The following SNURF variants were observed in gnomAD, a reference collection of about 807,000 sequenced individuals.
SNURF encodes the protein SNURF protein.
In SNURF, 6 loss-of-function variants were observed where a neutral mutation model predicts 11.6. The ratio of observed to expected loss-of-function variants is 0.52; its 90% CI spans 0.28 to 1.02. The LOEUF (loss-of-function observed/expected upper bound fraction) is 1.02, where lower values mean the gene tolerates loss of function less well. SNURF is among the 50% of genes least tolerant of loss of function. The pLI is 0.09. For missense variants in SNURF, 84 were observed against 88.4 expected, an observed-to-expected ratio of 0.95 and a Z score of 0.20; for synonymous variants, 29 against 31.6, an observed-to-expected ratio of 0.92 and a Z score of 0.27.
chr15:24,962,180 CAGA>C, exon 2 of SNURF: 1 of 1,614,070 alleles, frequency 6.2e-7, no homozygotes, highest in Non-Finnish European at 8.5e-7. Context: ...AAGTCAAACG[CAGA>C]AGGACTGCCT....
intron 1 of SNURF, 128 bp from the exon 2 acceptor site, chr15:24,961,986 T>A: frequency 1.2e-6 from 1 of 865,366 alleles, no homozygotes; most frequent in African/African-American, 1.7e-5. Flanking sequence ...CTTGTAATAA[T>A]TTTACCTTGT....
At chr15:24,969,762 C>T (rs1011012170), downstream of SNURF, among the ~76,000 whole-genome samples, 1 of 152,138 alleles carries the variant, frequency 6.6e-6, no homozygotes, top group Non-Finnish European at 1.5e-5. Flanking sequence ...GCTAGTTCTA[C>T]CTAAATAGTA....
chr15:24,962,650 C>T (rs420067), intron 2 of SNURF, among the ~76,000 whole-genome samples: 19,568 of 151,916 alleles, frequency 0.13, 2,422 homozygotes, highest in African/African-American at 0.33. Flanking sequence ...TGTTTTTTAT[C>T]CTGTTTTAAG....
At chr15:24,955,461 G>A (rs922805741) in intron 1 of SNURF, among the ~76,000 whole-genome samples, 1 of 151,858 alleles carries the variant, frequency 6.6e-6, no homozygotes. Context: ...CCAGTGCATA[G>A]GGATTTTAGG....
downstream of SNURF, among the ~76,000 whole-genome samples, chr15:24,971,232 C>T (rs1441132442): frequency 6.6e-6 from 1 of 152,172 alleles, no homozygotes; most frequent in Non-Finnish European, 1.5e-5. Flanking sequence ...GCCCTTTGAT[C>T]TCAGAAGATA....
exon 3 of SNURF, chr15:24,968,239 A>G: frequency 1.8e-6 from 1 of 557,498 alleles, no homozygotes. Flanking sequence ...CAGGACCTTA[A>G]ATTTTCTGCC....
intron 1 of SNURF, among the ~76,000 whole-genome samples, chr15:24,959,312 A>G (rs2074389304): frequency 1.3e-5 from 2 of 152,178 alleles, no homozygotes; most frequent in Non-Finnish European, 1.5e-5. Flanking sequence ...TATAGATGAC[A>G]TTTTATATGT....
downstream of SNURF, chr15:24,978,694 C>T (rs1224803881): frequency 1.9e-6 from 1 of 538,148 alleles, no homozygotes. Context: ...CTCTTTAATT[C>T]TTAGGATAAA....
At chr15:24,977,981 GAC>G (rs2077258718), downstream of SNURF, 1 of 1,435,268 alleles carries the variant, frequency 7.0e-7, no homozygotes, top group Non-Finnish European at 9.4e-7. Context: ...ACTGATTTAA[GAC>G]ACAGCCTGAG....
intron 2 of SNURF, among the ~76,000 whole-genome samples, chr15:24,963,351 C>A (rs753516841): frequency 1.7e-4 from 26 of 152,138 alleles, no homozygotes; most frequent in Non-Finnish European, 3.5e-4. Flanking sequence ...GCATGGTGGC[C>A]CATGCCTGTA....
At chr15:24,968,888 T>C (rs1244514438), downstream of SNURF, 18 of 152,222 alleles carry the variant, frequency 1.2e-4, no homozygotes, top group Admixed American at 9.8e-4. Context: ...GAAAAAGTTA[T>C]TACAAAGTCG....
At chr15:24,965,922 C>CT (rs1234173422) in intron 2 of SNURF, among the ~76,000 whole-genome samples, 1 of 129,770 alleles carries the variant, frequency 7.7e-6, no homozygotes, top group Non-Finnish European at 1.6e-5. Context: ...TAATCAGAAA[C>CT]TTAGTTGTCA....
At chr15:24,968,944 T>C (rs2153596160), downstream of SNURF, 1 of 152,290 alleles carries the variant, frequency 6.6e-6, no homozygotes, top group African/African-American at 2.4e-5. Context: ...TTTCTTTTTT[T>C]CTACTTTAAG....
downstream of SNURF, among the ~76,000 whole-genome samples, chr15:24,973,571 T>C (rs558802206): frequency 6.6e-6 from 1 of 151,898 alleles, no homozygotes; most frequent in Non-Finnish European, 1.5e-5. Context: ...CTAATTTTTT[T>C]GTATTTCTAG....
chr15:24,978,594 T>C (rs1003982136), downstream of SNURF: 3 of 756,774 alleles, frequency 4.0e-6, no homozygotes, highest in Non-Finnish European at 6.6e-6. Flanking sequence ...GGTACTGTTG[T>C]ATATATTTTT....
chr15:24,962,059 T>C (rs1256724190), intron 1 of SNURF, 55 bp from the exon 2 acceptor site: 1 of 1,365,626 alleles, frequency 7.3e-7, no homozygotes, highest in African/African-American at 1.4e-5. Context: ...TGACAAATAG[T>C]TATTTCATAG....
chr15:24,955,134 A>G (rs369476193), intron 1 of SNURF, 72 bp downstream of exon 1: 14 of 1,600,826 alleles, frequency 8.7e-6, no homozygotes, highest in African/African-American at 8.0e-5. Context: ...AGATATTCCA[A>G]GTTTTTAGGA....
At chr15:24,976,578 T>C (rs1223609947) in intron 5 of SNURF, among the ~76,000 whole-genome samples, 2 of 152,192 alleles carry the variant, frequency 1.3e-5, no homozygotes, top group Non-Finnish European at 1.5e-5. Context: ...CTATTCGGGA[T>C]TAGGGGATTT....
downstream of SNURF, among the ~76,000 whole-genome samples, chr15:24,970,916 C>T (rs534457968): frequency 7.5e-4 from 114 of 151,958 alleles, no homozygotes; most frequent in African/African-American, 2.7e-3. Context: ...TTTCTTTTGT[C>T]ACTTGTTTTT....
Sources: gnomAD v4.1 joint callset for allele counts (sites outside exome capture counted in the v4.1 genomes callset) on GRCh38, gnomAD v4.1.1 for gene constraint, MANE v1.5 for transcripts, NCBI Gene and HGNC (gene_info 2026-07-23, HGNC 2026-07-21) for gene names.